AOPEP: variants seen among roughly 807,000 people sequenced by gnomAD.
AOPEP encodes the protein aminopeptidase O (putative), also known as aminopeptidase O.
A neutral mutation model predicts 98.1 loss-of-function variants in AOPEP; 77 were observed. The observed-to-expected ratio is 0.78, with a 90% CI of 0.65 to 0.95. AOPEP has a LOEUF of 0.95. Among genes scored for constraint, AOPEP ranks in the 40% least tolerant of loss-of-function variants. AOPEP has a pLI of 0.00. For missense variants in AOPEP, 1,024 were observed against 1,024.7 expected, an observed-to-expected ratio of 1.00 and a Z score of 0.01; for synonymous variants, 346 against 365.3, an observed-to-expected ratio of 0.95 and a Z score of 0.60.
chr9:95,092,704 C>T, the AOPEP span, among the ~76,000 whole-genome samples: 1 of 152,204 alleles, frequency 6.6e-6, no homozygotes, highest in South Asian at 2.1e-4. Context: ...TGCCCATGGT[C>T]AGACCCTGAC....
chr9:94,845,728 G>A (rs536736178), intron 5 of AOPEP, among the ~76,000 whole-genome samples: 1 of 152,052 alleles, frequency 6.6e-6, no homozygotes, highest in East Asian at 1.9e-4. Flanking sequence ...AAGATTTGGT[G>A]CCATTTGTTG....
At chr9:95,139,474 T>A in the AOPEP span, among the ~76,000 whole-genome samples, 1 of 152,154 alleles carries the variant, frequency 6.6e-6, no homozygotes, top group African/African-American at 2.4e-5. Context: ...ACTGCAATCC[T>A]TATATATGAT....
At chr9:94,764,015 C>T (rs1452688335) in intron 2 of AOPEP, among the ~76,000 whole-genome samples, 2 of 152,004 alleles carry the variant, frequency 1.3e-5, no homozygotes, top group East Asian at 1.9e-4. Flanking sequence ...GACTCCCTGC[C>T]GAAGAGAACA....
rs546564622 is a variant in AOPEP at position 94,860,020 on chromosome 9, C to CA, written c.1364+59023dup. ...TAGATAGTTATTAAACAAATATTCT[C>CA]AAAAATGGAGTACGACAAACTGGTC... On this transcript the variant is annotated intron_variant, in intron 5 of 16. Transcript: ENST00000375315. 6.9e-4 allele frequency among the ~76,000 whole-genome samples: 105 copies of CA among 152,284 alleles called. 1 individual carries two copies. The highest frequency in any genetic ancestry group is 2.4e-3 in the African/African-American group (99 of 41,542).
At chr9:95,083,343 A>G (rs973969443) in intron 16 of AOPEP, among the ~76,000 whole-genome samples, 5 of 150,474 alleles carry the variant, frequency 3.3e-5, no homozygotes, top group African/African-American at 9.8e-5. Context: ...CGCACAGCAC[A>G]CACCACACAG....
intron 5 of AOPEP, among the ~76,000 whole-genome samples, chr9:94,843,427 T>C (rs2042506871): frequency 6.6e-6 from 1 of 152,190 alleles, no homozygotes; most frequent in Non-Finnish European, 1.5e-5. Flanking sequence ...TTTTGTACTT[T>C]AGTTTGCTGG....
chr9:94,773,764 GA>G (rs1464379936), intron 3 of AOPEP, among the ~76,000 whole-genome samples: 2 of 152,080 alleles, frequency 1.3e-5, no homozygotes, highest in Admixed American at 6.5e-5. Context: ...TTGATGCCAG[GA>G]AAAAATTTGT....
At chr9:95,024,998 A>C (rs2063731483) in intron 13 of AOPEP, among the ~76,000 whole-genome samples, 1 of 152,206 alleles carries the variant, frequency 6.6e-6, no homozygotes, top group Admixed American at 6.5e-5. Flanking sequence ...ATAGGTATAC[A>C]TAGTTTTAGG....
the AOPEP span, chr9:95,107,242 G>C: frequency 6.2e-7 from 1 of 1,614,104 alleles, no homozygotes; most frequent in Non-Finnish European, 8.5e-7. Context: ...ATTGCCAGGA[G>C]GTGGCCCAGC....
At chr9:95,131,955 T>G in the AOPEP span, among the ~76,000 whole-genome samples, 1 of 152,238 alleles carries the variant, frequency 6.6e-6, no homozygotes, top group African/African-American at 2.4e-5. Context: ...TCTAGATGCT[T>G]TTTATTCTTA....
At chr9:95,083,754 G>A (rs983903520) in intron 16 of AOPEP, among the ~76,000 whole-genome samples, 7 of 151,996 alleles carry the variant, frequency 4.6e-5, no homozygotes, top group Non-Finnish European at 1.0e-4. Flanking sequence ...CACCCGCGGC[G>A]CACACAGCAC....
the AOPEP span, chr9:95,110,243 AT>A: frequency 9.9e-7 from 1 of 1,005,622 alleles, no homozygotes; most frequent in Non-Finnish European, 1.2e-6. Flanking sequence ...TTATTGAATA[AT>A]TTATTTCTTT....
chr9:94,839,870 T>C (rs1008675571), intron 5 of AOPEP, among the ~76,000 whole-genome samples: 4 of 152,006 alleles, frequency 2.6e-5, no homozygotes, highest in African/African-American at 9.7e-5. Flanking sequence ...CTGGGCCCCA[T>C]TGATCCTCCC....
chr9:94,951,769 C>T (rs906366864), intron 7 of AOPEP, among the ~76,000 whole-genome samples: 2 of 152,196 alleles, frequency 1.3e-5, no homozygotes, highest in Non-Finnish European at 2.9e-5. Context: ...TCCTTCAGTC[C>T]ATTCTGCTCT....
the AOPEP span, among the ~76,000 whole-genome samples, chr9:95,112,685 C>G: frequency 3.9e-5 from 6 of 152,326 alleles, no homozygotes; most frequent in South Asian, 4.1e-4. Flanking sequence ...CCCTCATGCT[C>G]CCAGCTCCCA....
chr9:94,814,901 C>T (rs1275988779), intron 5 of AOPEP, among the ~76,000 whole-genome samples: 1 of 152,154 alleles, frequency 6.6e-6, no homozygotes, highest in Non-Finnish European at 1.5e-5. Context: ...AGGAGTATTA[C>T]AAGGAGACTG....
At chr9:94,898,512 G>C (rs1434736798) in intron 5 of AOPEP, among the ~76,000 whole-genome samples, 1 of 152,040 alleles carries the variant, frequency 6.6e-6, no homozygotes, top group Non-Finnish European at 1.5e-5. Flanking sequence ...TACTTGGAAG[G>C]CTGAGGCAGG....
intron 11 of AOPEP, among the ~76,000 whole-genome samples, chr9:94,987,500 G>T (rs548148126): frequency 1.3e-5 from 2 of 152,286 alleles, no homozygotes; most frequent in East Asian, 3.9e-4. Flanking sequence ...CATGATGAAG[G>T]TTCAGCGGGT....
At chr9:95,092,057 TGTG>T (rs1410516314), downstream of AOPEP, among the ~76,000 whole-genome samples, 8 of 28,826 alleles carry the variant, frequency 2.8e-4, no homozygotes, top group Non-Finnish European at 2.8e-4. Context: ...TGTTGAAGGC[TGTG>T]TGTGTGTGTG....
Sources: gnomAD v4.1 joint callset for allele counts (sites outside exome capture counted in the v4.1 genomes callset) on GRCh38, gnomAD v4.1.1 for gene constraint, MANE v1.5 for transcripts, NCBI Gene and HGNC (gene_info 2026-07-23, HGNC 2026-07-21) for gene names.